Variants in ZBTB38 observed in about 807,000 individuals in gnomAD.
ZBTB38 encodes zinc finger and BTB domain-containing protein 38.
ZBTB38 carries 20 observed loss-of-function variants against 76.8 expected under a neutral mutation model. The observed-to-expected ratio is 0.26, with a 90% CI of 0.18 to 0.38. ZBTB38 has a LOEUF of 0.38. Ranked by LOEUF, ZBTB38 falls within the 10% of genes least tolerant of loss-of-function variation. The pLI, the probability that ZBTB38 is intolerant of heterozygous loss-of-function variation, is 1.00. For synonymous variants in ZBTB38, 504 were observed against 544.2 expected (o/e 0.93, Z 1.03); for missense variants, 1,082 against 1,482.3 (o/e 0.73, Z 4.43).
intron 4 of ZBTB38, among the ~76,000 whole-genome samples, chr3:141,399,845 C>A (rs895925410): frequency 2.3e-4 from 35 of 151,934 alleles, no homozygotes; most frequent in African/African-American, 7.7e-4. Flanking sequence ...ATAACAGAAA[C>A]CTGTGTGGAG....
intron 4 of ZBTB38, among the ~76,000 whole-genome samples, chr3:141,397,927 G>C (rs781754980): frequency 1.3e-5 from 2 of 152,158 alleles, no homozygotes; most frequent in Non-Finnish European, 2.9e-5. Context: ...GAGACACAAA[G>C]TGAGCACATG....
Position 141,422,393 on chromosome 3 carries a change from C to T in ZBTB38, c.-1+18362C>T, listed in dbSNP as rs116899841. On this transcript the variant is annotated intron_variant, in intron 5 of 5. Transcript: ENST00000321464. The stretch of plus-strand genomic sequence containing the variant: ...TCTCAGAGCATAAGTCACCTTACTG[C>T]GTTTAAAAGGCCCCTCGCCACCAAG... Among the ~76,000 whole-genome samples the T allele has an allele frequency of 4.9e-4, 74 of 152,296 alleles. No individual in the cohort carries two copies. The East Asian group carries it at 0.013, about 27-fold the overall frequency.
At chr3:141,412,111 T>C (rs1195876205) in intron 5 of ZBTB38, among the ~76,000 whole-genome samples, 3 of 152,088 alleles carry the variant, frequency 2.0e-5, no homozygotes, top group Admixed American at 2.0e-4. Flanking sequence ...ATGACCTATA[T>C]TTTTTTTCTC....
At chr3:141,441,032 C>CAAAAAAAAAAAAAAAA (rs202075469) in intron 5 of ZBTB38, among the ~76,000 whole-genome samples, 2 of 64,594 alleles carry the variant, frequency 3.1e-5, no homozygotes, top group African/African-American at 1.0e-4. Context: ...GACTCAATCT[C>CAAAAAAAAAAAAAAAA]AAAAAAAAAA....
At chr3:141,342,260 G>C (rs923579817) in intron 1 of ZBTB38, among the ~76,000 whole-genome samples, 6 of 152,026 alleles carry the variant, frequency 3.9e-5, no homozygotes, top group African/African-American at 1.5e-4. Flanking sequence ...GGGAGGCAGA[G>C]GTTGCAGTGA....
At chr3:141,411,755 A>C (rs956425933) in intron 5 of ZBTB38, among the ~76,000 whole-genome samples, 1 of 152,222 alleles carries the variant, frequency 6.6e-6, no homozygotes, top group African/African-American at 2.4e-5. Context: ...GCAATTCTGG[A>C]GTGTCTTCAG....
intron 1 of ZBTB38, among the ~76,000 whole-genome samples, chr3:141,358,312 G>C (rs914978416): frequency 7.9e-5 from 12 of 152,266 alleles, no homozygotes; most frequent in African/African-American, 2.9e-4. Flanking sequence ...ATCCTGCCAG[G>C]CCCAGGGAAC....
At chr3:141,350,956 A>T (rs899224281) in intron 1 of ZBTB38, among the ~76,000 whole-genome samples, 2 of 152,212 alleles carry the variant, frequency 1.3e-5, no homozygotes, top group Non-Finnish European at 2.9e-5. Flanking sequence ...GTAAGAAACG[A>T]TTGCCTTTGT....
chr3:141,433,576 CTG>C (rs2078082702), intron 5 of ZBTB38, among the ~76,000 whole-genome samples: 2 of 151,994 alleles, frequency 1.3e-5, no homozygotes, highest in Non-Finnish European at 2.9e-5. Context: ...TGGAAAATGA[CTG>C]TGATAAATCC....
intron 1 of ZBTB38, among the ~76,000 whole-genome samples, chr3:141,350,729 ATTG>A (rs1367163038): frequency 6.6e-6 from 1 of 152,192 alleles, no homozygotes; most frequent in African/African-American, 2.4e-5. Context: ...TAGTTTGAAA[ATTG>A]TTTTTTTCTT....
In ZBTB38 at chr3:141,413,448, T is replaced by C. The variant is rs1023344140; in HGVS notation, c.-1+9417T>C. Among the ~76,000 whole-genome samples the C allele has an allele frequency of 2.6e-5, 4 of 152,226 alleles. No homozygotes were observed. Among genetic ancestry groups the C allele is most frequent in the African/African-American group, 9.6e-5 (4 of 41,460 alleles). The stretch of plus-strand genomic sequence containing the variant: ...TGGGTACTTGTGATCTTGGTGGAGA[T>C]GCTTCATGGTGTTGACCCTATTGTT... On this transcript the variant is annotated intron_variant, in intron 5 of 5. Coordinates refer to ENST00000321464, the MANE Select transcript of ZBTB38 (RefSeq NM_001376113.1). The surrounding 1 kb of genome is among the most constrained non-coding windows in gnomAD (Gnocchi z 4.1).
At chr3:141,341,011 G>T (rs1342819080) in intron 1 of ZBTB38, among the ~76,000 whole-genome samples, 1 of 150,614 alleles carries the variant, frequency 6.6e-6, no homozygotes, top group African/African-American at 2.4e-5. Flanking sequence ...AAGAAAGAAA[G>T]AAAGAGAAAG....
chr3:141,362,311 A>T (rs1943845932), intron 1 of ZBTB38, among the ~76,000 whole-genome samples: 1 of 152,170 alleles, frequency 6.6e-6, no homozygotes, highest in African/African-American at 2.4e-5. Flanking sequence ...CCAAATTTGA[A>T]TTCCCAAAAT....
chr3:141,370,471 C>T (rs921515651), intron 2 of ZBTB38, among the ~76,000 whole-genome samples: 1 of 152,226 alleles, frequency 6.6e-6, no homozygotes, highest in Admixed American at 6.5e-5. Context: ...AGTGACAGCT[C>T]TGGAGGGGTT....
rs1448787178 is a variant in ZBTB38, at chr3:141,444,762, T to C, written c.2374T>C (p.Ser792Pro). 6.2e-7 allele frequency: 1 copy of C among 1,613,576 alleles called. No individual in the cohort carries two copies. Among genetic ancestry groups the C allele is most frequent in the African/African-American group, 1.3e-5 (1 of 74,822 alleles). The change falls in exon 6 of 6, where the codon TCA (serine) becomes CCA (proline). Residue 792 changes from serine (S) to proline (P), a missense_variant. Ser to Pro is a moderately conservative substitution (Grantham distance 74). Transcript: ENST00000321464. This position sits in a 1 kb window ranked among gnomAD's most constrained non-coding sequence, Gnocchi z 5.1. Reference protein sequence around the residue: ...SHTRGEIPEESNYVADPGGSL... With the variant: ...SHTRGEIPEEPNYVADPGGSL... ...TACCAGGGGAGAAATACCGGAGGAG[T>C]CAAACTATGTTGCTGATCCTGGAGG...
chr3:141,414,287 T>C (rs1440854099), intron 5 of ZBTB38, among the ~76,000 whole-genome samples: 1 of 152,202 alleles, frequency 6.6e-6, no homozygotes, highest in East Asian at 1.9e-4. Context: ...GAATGGAGCC[T>C]ATGGACTGCT....
chr3:141,340,996 G>GAAAGAAAGAGAAAGAAGA (rs1553760169), intron 1 of ZBTB38, among the ~76,000 whole-genome samples: 1 of 91,898 alleles, frequency 1.1e-5, no homozygotes, highest in Non-Finnish European at 2.5e-5. Context: ...GAAAGAGAAA[G>GAAAGAAAGAGAAAGAAGA]AAGAAAGAAA....
At chr3:141,385,954 C>G (rs1946976397) in intron 3 of ZBTB38, 1 of 152,174 alleles carries the variant, frequency 6.6e-6, no homozygotes, top group Non-Finnish European at 1.5e-5. Context: ...AGTGTCAGCA[C>G]TGACCTCCTG....
intron 4 of ZBTB38, chr3:141,388,008 G>C (rs2149274143): frequency 6.6e-6 from 1 of 152,200 alleles, no homozygotes; most frequent in Admixed American, 6.5e-5. Context: ...AATCTTTTGG[G>C]GGAGGGTTTT....
Sources: allele counts gnomAD v4.1 joint callset (sites outside exome capture counted in the v4.1 genomes callset), GRCh38; gene constraint gnomAD v4.1.1; non-coding constraint Gnocchi (gnomAD v3.1); transcripts MANE v1.5; gene names NCBI Gene and HGNC (gene_info 2026-07-23, HGNC 2026-07-21).